Variants in LRRC49 observed in about 807,000 individuals in gnomAD.
The protein encoded by LRRC49 is leucine-rich repeat-containing protein 49.
LRRC49 carries 50 observed loss-of-function variants against 83.3 expected under a neutral mutation model. The observed-to-expected ratio is 0.60, with a 90% CI of 0.48 to 0.76. The LOEUF is 0.76. Among genes scored for constraint, LRRC49 ranks in the 30% least tolerant of loss-of-function variants. LRRC49 has a pLI of 0.00. For missense variants in LRRC49, 704 were observed against 809.1 expected, an observed-to-expected ratio of 0.87 and a Z score of 1.58; for synonymous variants, 286 against 283.3, an observed-to-expected ratio of 1.01 and a Z score of -0.10.
chr15:70,860,226 CG>C, intron 1 of LRRC49: 1 of 626,616 alleles, frequency 1.6e-6, no homozygotes, highest in African/African-American at 1.8e-5. Flanking sequence ...TGGAGGAGGC[CG>C]CTGTGCATGG....
intron 2 of LRRC49, chr15:70,882,312 T>A (rs2033282842): frequency 2.9e-6 from 2 of 690,660 alleles, no homozygotes; most frequent in African/African-American, 1.8e-5. Flanking sequence ...GCAAGCAAAC[T>A]TTTGCCTTAG....
chr15:70,963,783 A>G lies in LRRC49; in HGVS notation c.774-2A>G. On this transcript the variant is annotated splice_acceptor_variant, in intron 8 of 15. Coordinates refer to ENST00000260382, the MANE Select transcript of LRRC49 (RefSeq NM_017691.5). LOFTEE classifies it high-confidence loss of function. ...ATCCAGTGGTTTCTGTCTCTCCTGC[A>G]GTTTTGACAGTGTTTCCTGCCTTGC... The G allele has an allele frequency of 6.2e-7, 1 of 1,612,784 alleles. No individual in the cohort carries two copies. Among genetic ancestry groups the G allele is most frequent in the Non-Finnish European group, 8.5e-7 (1 of 1,179,264 alleles).
chr15:71,031,462 A>G (rs1015338471), intron 14 of LRRC49, among the ~76,000 whole-genome samples: 2 of 152,190 alleles, frequency 1.3e-5, no homozygotes, highest in Admixed American at 6.5e-5. Flanking sequence ...CCCATTCAGG[A>G]GGCACGGGGG....
rs2039954813 is a variant in LRRC49 at position 71,049,462 on chromosome 15, G to T, written c.1911G>T (p.Lys637Asn). The change falls in exon 16 of 16, where the codon AAG becomes AAT. Residue 637 changes from lysine to asparagine, a missense_variant. Lys to Asn is a moderately conservative substitution (Grantham distance 94). Transcript: ENST00000260382. ...AAACATATATAGAAGACCTTGTGAA[G>T]GAAGCCACAGAAATCAACATGAAAA... ...FCKTYIEDLV[K>N]EATEINMKNE... 1.9e-6 allele frequency: 3 copies of T among 1,613,174 alleles called. No individual in the cohort carries two copies.
intron 1 of LRRC49, among the ~76,000 whole-genome samples, chr15:70,860,559 C>A (rs985720430): frequency 6.6e-6 from 1 of 152,168 alleles, no homozygotes; most frequent in African/African-American, 2.4e-5. Context: ...GGACTACAGG[C>A]ATGCCACCAC....
At chr15:70,857,592 G>A (rs2032683911) in intron 1 of LRRC49, among the ~76,000 whole-genome samples, 1 of 152,150 alleles carries the variant, frequency 6.6e-6, no homozygotes, top group South Asian at 2.1e-4. Flanking sequence ...CCAAATACCA[G>A]GACCTGTGCT....
chr15:70,917,414 T>C (rs1157720601), intron 6 of LRRC49, among the ~76,000 whole-genome samples: 1 of 152,202 alleles, frequency 6.6e-6, no homozygotes, highest in Non-Finnish European at 1.5e-5. Context: ...AGCCCTGGAC[T>C]CAGCCAGTGC....
chr15:71,004,164 AG>A (rs1183058204), intron 11 of LRRC49, among the ~76,000 whole-genome samples: 2 of 152,200 alleles, frequency 1.3e-5, no homozygotes, highest in African/African-American at 4.8e-5. Context: ...CTGACTTTTC[AG>A]GCTCATCTCC....
intron 7 of LRRC49, among the ~76,000 whole-genome samples, chr15:70,934,515 C>T (rs2035530680): frequency 6.6e-6 from 1 of 152,078 alleles, no homozygotes. Context: ...CTCTACTAGG[C>T]AATGACATTT....
chr15:70,896,863 C>T (rs1363156692), intron 3 of LRRC49, among the ~76,000 whole-genome samples: 1 of 152,128 alleles, frequency 6.6e-6, no homozygotes. Context: ...TATCTTTTCT[C>T]TTTCCTACAT....
intron 9 of LRRC49, among the ~76,000 whole-genome samples, chr15:70,967,458 C>T (rs1177259821): frequency 2.6e-5 from 4 of 151,952 alleles, no homozygotes; most frequent in Admixed American, 6.6e-5. Flanking sequence ...GGAATCTGAT[C>T]CAGAGGAATG....
chr15:71,026,857 G>C (rs1424340546), intron 14 of LRRC49, among the ~76,000 whole-genome samples: 1 of 151,810 alleles, frequency 6.6e-6, no homozygotes, highest in South Asian at 2.1e-4. Context: ...TTGTCAGATG[G>C]GTCGCTTGCA....
chr15:70,940,948 A>G (rs192908925), intron 8 of LRRC49, among the ~76,000 whole-genome samples: 1 of 152,254 alleles, frequency 6.6e-6, no homozygotes, highest in East Asian at 1.9e-4. Context: ...ATTTAATTGC[A>G]TTTTTCTAAA....
At chr15:70,872,015 A>G (rs1440685861) in intron 1 of LRRC49, among the ~76,000 whole-genome samples, 1 of 152,202 alleles carries the variant, frequency 6.6e-6, no homozygotes, top group Admixed American at 6.5e-5. Context: ...AGAGGCTGCA[A>G]TCTCGGCACT....
intron 7 of LRRC49, among the ~76,000 whole-genome samples, chr15:70,935,047 A>G (rs1021326994): frequency 1.3e-5 from 2 of 152,200 alleles, no homozygotes; most frequent in African/African-American, 4.8e-5. Context: ...TGGGAATATC[A>G]GAGAGAAGTA....
intron 13 of LRRC49, among the ~76,000 whole-genome samples, chr15:71,012,004 C>T (rs2038667183): frequency 6.6e-6 from 1 of 152,094 alleles, no homozygotes; most frequent in Non-Finnish European, 1.5e-5. Context: ...TGTTTAACAG[C>T]AACCCTGGTC....
intron 13 of LRRC49, among the ~76,000 whole-genome samples, chr15:71,010,491 T>G (rs1035670774): frequency 1.3e-5 from 2 of 149,600 alleles, no homozygotes; most frequent in African/African-American, 4.9e-5. Context: ...AAAGGAGAAA[T>G]AAGCCAGGAA....
At chr15:70,866,178 C>T (rs778024275) in intron 1 of LRRC49, among the ~76,000 whole-genome samples, 5 of 151,456 alleles carry the variant, frequency 3.3e-5, no homozygotes, top group Non-Finnish European at 7.4e-5. Context: ...GATGGAGTCT[C>T]GCTCTGTCAC....
intron 15 of LRRC49, among the ~76,000 whole-genome samples, chr15:71,042,438 G>A (rs2039723834): frequency 6.6e-6 from 1 of 152,092 alleles, no homozygotes; most frequent in African/African-American, 2.4e-5. Context: ...AAAATATTTG[G>A]AAAGAAACAC....
Sources: gnomAD v4.1 joint callset for allele counts (sites outside exome capture counted in the v4.1 genomes callset) on GRCh38, gnomAD v4.1.1 for gene constraint, MANE v1.5 for transcripts, NCBI Gene and HGNC (gene_info 2026-07-23, HGNC 2026-07-21) for gene names.